The following IGSF3 variants were observed in gnomAD, a reference collection of about 807,000 sequenced individuals.
IGSF3 encodes glu-Trp-Ile EWI motif-containing protein 3.
A neutral mutation model predicts 114.4 loss-of-function variants in IGSF3; 23 were observed. That is an observed-to-expected ratio of 0.20 (90% confidence interval 0.14 to 0.28). The LOEUF is 0.28. IGSF3 is among the 10% of genes least tolerant of loss of function. The probability of loss-of-function intolerance (pLI) is 1.00; values close to 1 mark genes in which losing one functional copy is unlikely to be tolerated. For synonymous variants in IGSF3, 571 were observed against 645.2 expected, an observed-to-expected ratio of 0.88 and a Z score of 1.74; for missense variants, 1,172 against 1,591.5, an observed-to-expected ratio of 0.74 and a Z score of 4.48.
Position 116,593,068 on chromosome 1 carries a change from AAAGGTAAGCTTCGGCCACACTGC to A in IGSF3, c.2030-3987_2030-3965del, listed in dbSNP as rs1557861191. On this transcript the variant is annotated intron_variant, in intron 7 of 10. Transcript: ENST00000369486. The surrounding 1 kb of genome is among the most constrained non-coding windows in gnomAD (Gnocchi z 4.5). ...GCTCAGGTGTAGTGGATGAGGTTAG[AAAGGTAAGCTTCGGCCACACTGC>A]AAGGGGCCTGCAGCTTGTACTTGAT... 6.6e-6 allele frequency among the ~76,000 whole-genome samples: 1 copy of A among 152,190 alleles called. No homozygotes were observed. Among genetic ancestry groups the A allele is most frequent in the Non-Finnish European group, 1.5e-5 (1 of 68,032 alleles).
At chr1:116,637,488 G>A (rs537602957) in intron 2 of IGSF3, among the ~76,000 whole-genome samples, 12 of 152,158 alleles carry the variant, frequency 7.9e-5, no homozygotes, top group Admixed American at 4.6e-4. Flanking sequence ...GTTTGTTTCC[G>A]TCCTTCAGAG....
intron 7 of IGSF3, among the ~76,000 whole-genome samples, chr1:116,599,515 A>G (rs1487498499): frequency 1.3e-5 from 2 of 152,180 alleles, no homozygotes; most frequent in Non-Finnish European, 2.9e-5. Flanking sequence ...CCTAATCTGA[A>G]AGGGAAAAAT....
In IGSF3 at chr1:116,584,297, C is replaced by T. The variant is rs1182780160; in HGVS notation, c.2848+348G>A. Among the ~76,000 whole-genome samples, 1 of 152,124 alleles carries T rather than the reference C, an allele frequency of 6.6e-6. No individual in the cohort carries two copies. The highest frequency in any genetic ancestry group is 1.5e-5 in the Non-Finnish European group (1 of 68,032). ...TCGATTACTTTCCACTGAAAATCCACAAGCTGAATTTTCTCAACAACATGG... is the reference window on the plus strand; with the variant it reads ...TCGATTACTTTCCACTGAAAATCCATAAGCTGAATTTTCTCAACAACATGG... On this transcript the variant is annotated intron_variant, in intron 9 of 10. Transcript: ENST00000369486. This position sits in a 1 kb window ranked among gnomAD's most constrained non-coding sequence, Gnocchi z 5.8.
In IGSF3 at chr1:116,610,582, C is replaced by T. The variant is rs1457200021; in HGVS notation, c.833-2251G>A. Among the ~76,000 whole-genome samples the T allele has an allele frequency of 6.6e-6, 1 of 152,204 alleles. No homozygotes were observed. Among genetic ancestry groups the T allele is most frequent in the African/African-American group, 2.4e-5 (1 of 41,448 alleles). On this transcript the variant is annotated intron_variant, in intron 4 of 10. Transcript: ENST00000369486. This position sits in a 1 kb window ranked among gnomAD's most constrained non-coding sequence, Gnocchi z 4.3. ...CAAATGATCCACCCTACCCCTACCC[C>T]CATCCTAACCAAAGGCTTTCCTCAA... is the stretch of plus-strand genomic sequence containing the variant.
rs1659382314 is a variant in IGSF3 at position 116,577,186 on chromosome 1, C to G, written c.*126G>C. On this transcript the variant is annotated 3_prime_UTR_variant, in exon 11 of 11. Coordinates refer to ENST00000369486, the MANE Select transcript of IGSF3 (RefSeq NM_001007237.3). This position sits in a 1 kb window ranked among gnomAD's most constrained non-coding sequence, Gnocchi z 5.7. Reference sequence around the variant, plus strand: ...TGTGACTGACTGGGAACTTGGAACACTTTTCAAGTCTGACAACTTTCCACA... The same window carrying G: ...TGTGACTGACTGGGAACTTGGAACAGTTTTCAAGTCTGACAACTTTCCACA... 9.1e-7 allele frequency: 1 copy of G among 1,095,742 alleles called. No homozygotes were observed. Among genetic ancestry groups the G allele is most frequent in the Non-Finnish European group, 1.3e-6 (1 of 776,394 alleles). The allele number at this position is 1,095,742 out of a possible 1,614,324, so 67.9% of individuals were successfully genotyped here. A position where few individuals can be genotyped will look rare whatever the true frequency, so the allele number is the denominator to read the frequency against.
chr1:116,612,349 C>A lies in IGSF3; in HGVS notation c.832+1416G>T, dbSNP rs192262744. ...ACCCCTACGGTAAAAGATTTCACAT[C>A]CATTAGATGACTTATTAAAGTGATG... On this transcript the variant is annotated intron_variant, in intron 4 of 10. Transcript: ENST00000369486. This position sits in a 1 kb window ranked among gnomAD's most constrained non-coding sequence, Gnocchi z 4.1. 1.1e-3 allele frequency among the ~76,000 whole-genome samples: 166 copies of A among 152,266 alleles called. No individual in the cohort carries two copies. Among genetic ancestry groups the A allele is most frequent in the African/African-American group, 3.9e-3 (161 of 41,562 alleles).
At chr1:116,590,044 AATT>A (rs1312397799) in intron 7 of IGSF3, among the ~76,000 whole-genome samples, 1 of 152,028 alleles carries the variant, frequency 6.6e-6, no homozygotes, top group Non-Finnish European at 1.5e-5. Flanking sequence ...GGCAACAGGT[AATT>A]AGAGGATGCT....
At position 116,649,620 on chromosome 1, in the gene IGSF3, A is replaced by G. The variant is rs138254047; in HGVS notation, c.43+16664T>C. ...TTTGACAGCTTCACTCCCTCCCCGCACTGCTATCAACTCAAATGTGAGTTA... is the reference window on the plus strand; with the variant it reads ...TTTGACAGCTTCACTCCCTCCCCGCGCTGCTATCAACTCAAATGTGAGTTA... On this transcript the variant is annotated intron_variant, in intron 2 of 10. Coordinates refer to ENST00000369486, the MANE Select transcript of IGSF3 (RefSeq NM_001007237.3). The surrounding 1 kb of genome is among the most constrained non-coding windows in gnomAD (Gnocchi z 4.5). Among the ~76,000 whole-genome samples, 5,458 of 152,128 alleles carry G rather than the reference A, an allele frequency of 0.036. 319 individuals are homozygous for G. The highest frequency in any genetic ancestry group is 0.12 in the African/African-American group (5,148 of 41,454).
In IGSF3 at chr1:116,603,269, T is replaced by C. The variant is rs980996864; in HGVS notation, c.1624+355A>G. ...TTTAAGGCCAGGCTGGCAGTGGCCA[T>C]GCTCCTCCACCTGGGGCCACCACTA... On this transcript the variant is annotated intron_variant, in intron 6 of 10. Coordinates refer to ENST00000369486, the MANE Select transcript of IGSF3 (RefSeq NM_001007237.3). This position sits in a 1 kb window ranked among gnomAD's most constrained non-coding sequence, Gnocchi z 7.1. 6.6e-6 allele frequency among the ~76,000 whole-genome samples: 1 copy of C among 152,186 alleles called. No homozygotes were observed. The highest frequency in any genetic ancestry group is 1.5e-5 in the Non-Finnish European group (1 of 68,024).
chr1:116,631,514 CCCCAA>C (rs990416072), intron 2 of IGSF3, among the ~76,000 whole-genome samples: 3 of 152,052 alleles, frequency 2.0e-5, no homozygotes, highest in Non-Finnish European at 2.9e-5. Flanking sequence ...CTGCTGAGGA[CCCCAA>C]CCAAATCAGA....
intron 2 of IGSF3, among the ~76,000 whole-genome samples, chr1:116,640,826 C>T (rs57155404): frequency 1.5e-3 from 225 of 152,372 alleles, no homozygotes; most frequent in East Asian, 0.015. Flanking sequence ...CACCAATTTA[C>T]ATTGCCAAGA....
rs1647451889 is a variant in IGSF3, at chr1:116,629,323, G to A, written c.44-12866C>T. Among the ~76,000 whole-genome samples the A allele has an allele frequency of 6.6e-6, 1 of 152,202 alleles. No homozygotes were observed. On this transcript the variant is annotated intron_variant, in intron 2 of 10. Transcript: ENST00000369486. The surrounding 1 kb of genome is among the most constrained non-coding windows in gnomAD (Gnocchi z 4.3). ...CACCTCTATATATGTGTGGAAAAAG[G>A]ACTGGGCTAGTATATTTAAAAAACG... is the stretch of plus-strand genomic sequence containing the variant.
rs182277344 is a variant in IGSF3, at chr1:116,605,221, T to C, written c.1223-1196A>G. On this transcript the variant is annotated intron_variant, in intron 5 of 10. Coordinates refer to ENST00000369486, the MANE Select transcript of IGSF3 (RefSeq NM_001007237.3). This position sits in a 1 kb window ranked among gnomAD's most constrained non-coding sequence, Gnocchi z 5.1. Reference sequence around the variant, plus strand: ...CCAATTAATTAAATCAAATCCCAGATTTTAAGAGGCACACCCAATTACCAA... The same window carrying C: ...CCAATTAATTAAATCAAATCCCAGACTTTAAGAGGCACACCCAATTACCAA... 3.9e-4 allele frequency among the ~76,000 whole-genome samples: 60 copies of C among 152,110 alleles called. No individual in the cohort carries two copies. The highest frequency in any genetic ancestry group is 1.3e-3 in the African/African-American group (53 of 41,476).
At position 116,607,795 on chromosome 1, in the gene IGSF3, GGCTC is replaced by G; in HGVS notation, c.1222+143_1222+146del. 1.3e-6 allele frequency: 1 copy of G among 766,224 alleles called. No homozygotes were observed. The highest frequency in any genetic ancestry group is 2.2e-6 in the Non-Finnish European group (1 of 457,300). 47.5% of individuals were successfully genotyped at this position (766,224 alleles called of 1,614,324 possible). On this transcript the variant is annotated intron_variant, in intron 5 of 10. Transcript: ENST00000369486. The surrounding 1 kb of genome is among the most constrained non-coding windows in gnomAD (Gnocchi z 6.1). ...CAGGTGGGCTACAACAGGGAAGAGA[GGCTC>G]AATGGTTTTTCCCCCAGCTCTGCAT...
Position 116,579,555 on chromosome 1 carries a change from C to G in IGSF3, c.3171G>C (p.Arg1057Ser). The change falls in exon 10 of 11, where the codon AGG (arginine) becomes AGC (serine). Residue 1057 changes from arginine to serine, a missense_variant. Transcript: ENST00000369486. This position sits in a 1 kb window ranked among gnomAD's most constrained non-coding sequence, Gnocchi z 6.4. ...SPWEGRLRFQ[R>S]LSPVLYRLTV... is the part of the protein sequence containing the mutation. Reference sequence around the variant, plus strand: ...TGAGCCGGTAGAGCACCGGGGAGAGCCTCTGGAAGCGAAGCCTGCCCTCCC... The same window carrying G: ...TGAGCCGGTAGAGCACCGGGGAGAGGCTCTGGAAGCGAAGCCTGCCCTCCC... The G allele has an allele frequency of 1.9e-6, 3 of 1,614,170 alleles. No homozygotes were observed. Among genetic ancestry groups the G allele is most frequent in the Non-Finnish European group, 2.5e-6 (3 of 1,180,034 alleles).
Position 116,603,123 on chromosome 1 carries a change from A to G in IGSF3, c.1624+501T>C, listed in dbSNP as rs1182049959. Among the ~76,000 whole-genome samples, 1 of 152,242 alleles carries G rather than the reference A, an allele frequency of 6.6e-6. No homozygotes were observed. The highest frequency in any genetic ancestry group is 1.5e-5 in the Non-Finnish European group (1 of 68,042). ...GTTAAGGATCAGGCAGGAACATAGT[A>G]AATGCTAAATAAATGACAACAGATG... is the stretch of plus-strand genomic sequence containing the variant. On this transcript the variant is annotated intron_variant, in intron 6 of 10. Coordinates refer to ENST00000369486, the MANE Select transcript of IGSF3 (RefSeq NM_001007237.3). The surrounding 1 kb of genome is among the most constrained non-coding windows in gnomAD (Gnocchi z 7.1).
intron 2 of IGSF3, among the ~76,000 whole-genome samples, chr1:116,635,288 T>G (rs554102009): frequency 3.0e-4 from 46 of 152,306 alleles, no homozygotes; most frequent in African/African-American, 1.1e-3. Flanking sequence ...TTAAACAAAT[T>G]CACTGTGACG....
chr1:116,599,908 T>A, intron 7 of IGSF3, 33 bp downstream of exon 7: 5 of 1,585,876 alleles, frequency 3.2e-6, no homozygotes, highest in Non-Finnish European at 4.3e-6. Context: ...TCAGGCAGCA[T>A]GGGCACATAG....
Position 116,584,560 on chromosome 1 carries a change from A to C in IGSF3, c.2848+85T>G. ...ATTTAACTGCAAATAATTTATTAAT[A>C]AACTAATTTTATCCAGTGCATAAAA... On this transcript the variant is annotated intron_variant, in intron 9 of 10. Coordinates refer to ENST00000369486, the MANE Select transcript of IGSF3 (RefSeq NM_001007237.3). The surrounding 1 kb of genome is among the most constrained non-coding windows in gnomAD (Gnocchi z 5.8). The C allele has an allele frequency of 7.8e-7, 1 of 1,287,942 alleles. No individual in the cohort carries two copies. The highest frequency in any genetic ancestry group is 1.1e-6 in the Non-Finnish European group (1 of 906,032). The allele number at this position is 1,287,942 out of a possible 1,614,324, so 79.8% of individuals were successfully genotyped here.
Sources: gnomAD v4.1 joint callset for allele counts (sites outside exome capture counted in the v4.1 genomes callset) on GRCh38, gnomAD v4.1.1 for gene constraint, Gnocchi (gnomAD v3.1) non-coding constraint, MANE v1.5 for transcripts, NCBI Gene and HGNC (gene_info 2026-07-23, HGNC 2026-07-21) for gene names.